The following CNTNAP2 variants were observed in gnomAD, a reference collection of about 807,000 sequenced individuals.
CNTNAP2 encodes contactin-associated protein-like 2.
CNTNAP2 carries 98 observed loss-of-function variants against 155.2 expected under a neutral mutation model. The ratio of observed to expected loss-of-function variants is 0.63; its 90% CI spans 0.54 to 0.75. The LOEUF is 0.75. Among genes scored for constraint, CNTNAP2 ranks in the 30% least tolerant of loss-of-function variants. The pLI, the probability that CNTNAP2 is intolerant of heterozygous loss-of-function variation, is 0.00. For synonymous variants in CNTNAP2, 651 were observed against 631.2 expected, an observed-to-expected ratio of 1.03 and a Z score of -0.47; for missense variants, 1,727 against 1,688.1, an observed-to-expected ratio of 1.02 and a Z score of -0.40.
At chr7:148,057,789 C>T (rs1301526626) in intron 15 of CNTNAP2, among the ~76,000 whole-genome samples, 1 of 151,918 alleles carries the variant, frequency 6.6e-6, no homozygotes, top group African/African-American at 2.4e-5. Flanking sequence ...GTTAAACTAA[C>T]CTTGGGTTCA....
Position 146,950,824 on chromosome 7 carries a change from G to A in CNTNAP2, c.403-93083G>A, listed in dbSNP as rs568475055. Among the ~76,000 whole-genome samples, 24 of 152,148 alleles carry A rather than the reference G, an allele frequency of 1.6e-4. No homozygotes were observed. The South Asian group carries it at 5.0e-3, about 32-fold the overall frequency. On this transcript the variant is annotated intron_variant, in intron 3 of 23. Coordinates refer to ENST00000361727, the MANE Select transcript of CNTNAP2 (RefSeq NM_014141.6). ...GCATATACCTAGTCATGGGATTGCTGGGTCTAATGGTATTTCTGGTTCTAG... is the reference window on the plus strand; with the variant it reads ...GCATATACCTAGTCATGGGATTGCTAGGTCTAATGGTATTTCTGGTTCTAG...
At chr7:148,251,543 C>G (rs1796362889) in intron 20 of CNTNAP2, among the ~76,000 whole-genome samples, 1 of 152,168 alleles carries the variant, frequency 6.6e-6, no homozygotes, top group South Asian at 2.1e-4. Flanking sequence ...AATCTCCAGT[C>G]CCTCTGCCTT....
intron 1 of CNTNAP2, among the ~76,000 whole-genome samples, chr7:146,226,606 G>A (rs1318398841): frequency 1.3e-5 from 2 of 152,174 alleles, no homozygotes; most frequent in Non-Finnish European, 2.9e-5. Context: ...ACTGCAGTGA[G>A]TCAAGATCAT....
At chr7:146,949,000 G>C (rs1382940815) in intron 3 of CNTNAP2, among the ~76,000 whole-genome samples, 4 of 152,152 alleles carry the variant, frequency 2.6e-5, no homozygotes, top group African/African-American at 4.8e-5. Context: ...AGCCAGTCAT[G>C]CTTAACTATA....
At chr7:148,309,364 A>G (rs543630287) in intron 21 of CNTNAP2, among the ~76,000 whole-genome samples, 1 of 152,338 alleles carries the variant, frequency 6.6e-6, no homozygotes, top group Admixed American at 6.5e-5. Flanking sequence ...TTAGGCTTGC[A>G]ATTGGGAACT....
rs1376991393 is a variant in CNTNAP2, at chr7:147,770,102, T to C, written c.2098+130796T>C. Among the ~76,000 whole-genome samples the C allele has an allele frequency of 2.6e-5, 4 of 152,306 alleles. No homozygotes were observed. In the East Asian group the frequency reaches 7.7e-4, roughly 29 times the overall value. On this transcript the variant is annotated intron_variant, in intron 13 of 23. Transcript: ENST00000361727. ...CTTTTGAGCAAGAGTCAAATTCTCATTGAGGTCAAGGTGTAATTTGTAGTT... is the reference window on the plus strand; with the variant it reads ...CTTTTGAGCAAGAGTCAAATTCTCACTGAGGTCAAGGTGTAATTTGTAGTT...
chr7:147,773,662 C>A (rs1412838296), intron 13 of CNTNAP2, among the ~76,000 whole-genome samples: 1 of 152,128 alleles, frequency 6.6e-6, no homozygotes, highest in Non-Finnish European at 1.5e-5. Flanking sequence ...TAATCTCTTA[C>A]CTGGACTGTG....
At chr7:146,403,841 T>G (rs1039115398) in intron 1 of CNTNAP2, among the ~76,000 whole-genome samples, 1 of 152,160 alleles carries the variant, frequency 6.6e-6, no homozygotes, top group African/African-American at 2.4e-5. Context: ...TTCGGTGTAC[T>G]GAGATTCAGT....
chr7:148,071,104 T>C (rs951668916), intron 15 of CNTNAP2, among the ~76,000 whole-genome samples: 3 of 152,168 alleles, frequency 2.0e-5, no homozygotes, highest in South Asian at 2.1e-4. Context: ...AGAACATCTT[T>C]TTGATAGCTT....
chr7:146,466,346 T>C (rs1796717082), intron 1 of CNTNAP2, among the ~76,000 whole-genome samples: 1 of 152,174 alleles, frequency 6.6e-6, no homozygotes, highest in African/African-American at 2.4e-5. Flanking sequence ...CTATTAGGAA[T>C]TCTGTGCTGT....
chr7:146,333,938 A>G (rs867498430), intron 1 of CNTNAP2, among the ~76,000 whole-genome samples: 1 of 152,214 alleles, frequency 6.6e-6, no homozygotes, highest in Non-Finnish European at 1.5e-5. Flanking sequence ...ACTCAGTCAC[A>G]TGACCATACC....
At position 148,347,237 on chromosome 7, in the gene CNTNAP2, A is replaced by T. The variant is rs567272944; in HGVS notation, c.3476-36412A>T. ...GCACCACTACACTTCAGCCTGGGTGACAGAGTGAGACTCCGTCTCAAAAAA... is the reference window on the plus strand; with the variant it reads ...GCACCACTACACTTCAGCCTGGGTGTCAGAGTGAGACTCCGTCTCAAAAAA... On this transcript the variant is annotated intron_variant, in intron 21 of 23. Coordinates refer to ENST00000361727, the MANE Select transcript of CNTNAP2 (RefSeq NM_014141.6). Among the ~76,000 whole-genome samples, 18 of 152,012 alleles carry T rather than the reference A, an allele frequency of 1.2e-4. 1 individual carries two copies. The South Asian group carries it at 3.8e-3, about 32-fold the overall frequency.
chr7:147,639,231 A>G lies in CNTNAP2; in HGVS notation c.2023A>G (p.Ile675Val), dbSNP rs886042710. ...YSASMDQISA[I>V]TDSAEYCEQY... is the part of the protein sequence containing the mutation. ...CGCCTCCATGGACCAGATAAGTGCC[A>G]TCACTGACAGTGCCGAGTACTGCGA... The change falls in exon 13 of 24, where the codon ATC becomes GTC. Residue 675 changes from isoleucine to valine, a missense_variant. Physicochemically the swap from Ile to Val is conservative, Grantham distance 29. Coordinates refer to ENST00000361727, the MANE Select transcript of CNTNAP2 (RefSeq NM_014141.6). 1 of 1,614,164 alleles carries G rather than the reference A, an allele frequency of 6.2e-7. No homozygotes were observed.
At chr7:146,633,306 C>G (rs1585016294) in intron 1 of CNTNAP2, among the ~76,000 whole-genome samples, 1 of 152,196 alleles carries the variant, frequency 6.6e-6, no homozygotes, top group Non-Finnish European at 1.5e-5. Context: ...TATTAATTTT[C>G]ACCATTATTC....
In CNTNAP2 at chr7:146,408,240, A is replaced by T. The variant is rs202148350; in HGVS notation, c.97+291267A>T. ...ATTAACCATTAAAAATAAGCAATTC[A>T]TTGCACTTTATAGAGACTATTAACA... On this transcript the variant is annotated intron_variant, in intron 1 of 23. Transcript: ENST00000361727. 2.0e-5 allele frequency among the ~76,000 whole-genome samples: 3 copies of T among 152,326 alleles called. No homozygotes were observed. In the East Asian group the frequency reaches 5.8e-4, roughly 29 times the overall value.
Position 146,512,021 on chromosome 7 carries a change from T to A in CNTNAP2, c.98-262250T>A, listed in dbSNP as rs572519998. 3.3e-5 allele frequency among the ~76,000 whole-genome samples: 5 copies of A among 152,120 alleles called. No individual in the cohort carries two copies. In the East Asian group the frequency reaches 9.6e-4, roughly 29 times the overall value. On this transcript the variant is annotated intron_variant, in intron 1 of 23. Coordinates refer to ENST00000361727, the MANE Select transcript of CNTNAP2 (RefSeq NM_014141.6). The stretch of plus-strand genomic sequence containing the variant: ...TTGGTAAGTTGTATGTACCTATGAA[T>A]TTTTTCTTTGAATTTTTTTGTTGAA...
At chr7:147,033,921 C>T (rs748452663) in intron 3 of CNTNAP2, among the ~76,000 whole-genome samples, 1 of 151,676 alleles carries the variant, frequency 6.6e-6, no homozygotes. Context: ...GAATAAAGTG[C>T]AAGCAAAGCA....
intron 3 of CNTNAP2, among the ~76,000 whole-genome samples, chr7:146,847,599 T>C (rs1195134209): frequency 1.1e-4 from 17 of 152,184 alleles, no homozygotes; most frequent in Admixed American, 1.1e-3. Context: ...ATTAACATAG[T>C]ATATTGGCTC....
chr7:146,654,607 T>G (rs1458099655), intron 1 of CNTNAP2, among the ~76,000 whole-genome samples: 3 of 152,212 alleles, frequency 2.0e-5, no homozygotes, highest in Non-Finnish European at 4.4e-5. Flanking sequence ...TTTGTGGTTG[T>G]AGCAGTTGCT....
Sources: allele counts gnomAD v4.1 joint callset (sites outside exome capture counted in the v4.1 genomes callset), GRCh38; gene constraint gnomAD v4.1.1; transcripts MANE v1.5; gene names NCBI Gene and HGNC (gene_info 2026-07-23, HGNC 2026-07-21).